MLIP: variants seen among roughly 807,000 people sequenced by gnomAD.
MLIP encodes muscular LMNA-interacting protein.
Under a neutral mutation model 84.8 loss-of-function variants are expected in MLIP, and 79 were observed. The ratio of observed to expected loss-of-function variants is 0.93; its 90% CI spans 0.78 to 1.12. MLIP has a LOEUF of 1.12. Ranked by LOEUF, MLIP falls within the 50% of genes most tolerant of loss-of-function variation. MLIP has a pLI of 0.00. For synonymous variants in MLIP, 504 were observed against 463.0 expected, an observed-to-expected ratio of 1.09 and a Z score of -1.14; for missense variants, 1,257 against 1,160.6, an observed-to-expected ratio of 1.08 and a Z score of -1.21.
At chr6:54,133,947 A>G (rs1771598517) in intron 3 of MLIP, among the ~76,000 whole-genome samples, 3 of 152,154 alleles carry the variant, frequency 2.0e-5, no homozygotes, top group South Asian at 4.1e-4. Context: ...GTAGCTCTAG[A>G]GAGGTGTTTG....
chr6:54,020,931 A>G (rs1338585200), intron 1 of MLIP, among the ~76,000 whole-genome samples: 1 of 152,232 alleles, frequency 6.6e-6, no homozygotes, highest in Non-Finnish European at 1.5e-5. Context: ...TAAGTGTACA[A>G]GCAAATAGAG....
At chr6:54,201,192 C>G (rs1057148379) in intron 10 of MLIP, among the ~76,000 whole-genome samples, 1 of 152,112 alleles carries the variant, frequency 6.6e-6, no homozygotes, top group African/African-American at 2.4e-5. Flanking sequence ...TTTGTCAAAT[C>G]GACACTGGGT....
At chr6:54,234,374 A>G (rs1466086135) in intron 12 of MLIP, among the ~76,000 whole-genome samples, 5 of 152,068 alleles carry the variant, frequency 3.3e-5, no homozygotes, top group African/African-American at 9.7e-5. Flanking sequence ...TGAAAAACAT[A>G]TAAAAGTTAG....
rs1771991915 is a variant in MLIP, at chr6:54,138,220, G to T, written c.2151G>T (p.Arg717Ser). 4 of 1,536,060 alleles carry T rather than the reference G, an allele frequency of 2.6e-6. No homozygotes were observed. The highest frequency in any genetic ancestry group is 2.6e-6 in the Non-Finnish European group (3 of 1,146,866). ...STPSLPISLT[R>S]TEELISPCAL... ...CATCACTTCCCATATCTCTAACAAG[G>T]ACAGAGGAGCTGATTTCACCTTGTG... The change falls in exon 4 of 14, where the codon AGG becomes AGT. Residue 717 changes from arginine (R) to serine (S), a missense_variant. Arg to Ser is a moderately radical substitution (Grantham distance 110). Coordinates refer to ENST00000502396, the MANE Select transcript of MLIP (RefSeq NM_001281747.2).
intron 11 of MLIP, chr6:54,215,131 T>C: frequency 2.0e-6 from 3 of 1,533,664 alleles, no homozygotes; most frequent in Middle Eastern, 1.7e-4. Context: ...CTGTCCACTT[T>C]ACACTCAGGC....
At chr6:54,219,981 G>A (rs1022758624) in intron 11 of MLIP, among the ~76,000 whole-genome samples, 14 of 151,622 alleles carry the variant, frequency 9.2e-5, no homozygotes, top group African/African-American at 3.2e-4. Flanking sequence ...AAAAACCTTC[G>A]GCAAAATAAT....
chr6:54,138,393 C>T lies in MLIP; in HGVS notation c.2217+107C>T, dbSNP rs986417261. ...AATTATAGTATTAATTGTACTCCTACAAGGAGGAAGAAAAAGTGCAAGACG... is the reference window on the plus strand; with the variant it reads ...AATTATAGTATTAATTGTACTCCTATAAGGAGGAAGAAAAAGTGCAAGACG... On this transcript the variant is annotated intron_variant, in intron 4 of 13. Transcript: ENST00000502396. The T allele has an allele frequency of 3.1e-6, 4 of 1,306,796 alleles. No individual in the cohort carries two copies. The African/African-American group carries it at 6.0e-5, about 20-fold the overall frequency. The allele number at this position is 1,306,796 out of a possible 1,614,324, so 81.0% of individuals were successfully genotyped here.
At chr6:54,207,419 C>T (rs1226655240) in intron 11 of MLIP, among the ~76,000 whole-genome samples, 2 of 142,500 alleles carry the variant, frequency 1.4e-5, no homozygotes, top group African/African-American at 2.5e-5. Context: ...ACCCCCCCCC[C>T]CTTTTTTGAC....
intron 1 of MLIP, chr6:54,045,491 A>G (rs895682968): frequency 6.6e-6 from 1 of 152,164 alleles, no homozygotes; most frequent in Non-Finnish European, 1.5e-5. Context: ...TGATGCTGGT[A>G]GACTTGTCAT....
At chr6:54,050,251 T>G (rs1317982607) in intron 1 of MLIP, among the ~76,000 whole-genome samples, 1 of 152,136 alleles carries the variant, frequency 6.6e-6, no homozygotes, top group Non-Finnish European at 1.5e-5. Flanking sequence ...AATAAAGGCT[T>G]AAAGCACAAA....
chr6:54,066,571 C>A (rs547604823), intron 1 of MLIP, among the ~76,000 whole-genome samples: 2 of 99,478 alleles, frequency 2.0e-5, no homozygotes, highest in African/African-American at 5.1e-5. Context: ...ATTTAGATTG[C>A]TCTGTATAGC....
intron 1 of MLIP, chr6:54,043,254 AT>A (rs763973672): frequency 1.3e-5 from 2 of 152,200 alleles, no homozygotes; most frequent in Non-Finnish European, 2.9e-5. Context: ...TCTTCATTTT[AT>A]ATCAACAATG....
chr6:54,042,039 A>G (rs1242713638), intron 1 of MLIP, among the ~76,000 whole-genome samples: 2 of 152,014 alleles, frequency 1.3e-5, no homozygotes, highest in South Asian at 4.1e-4. Flanking sequence ...CCTAATTCAT[A>G]TAGGGTTTGT....
chr6:54,111,295 T>C, upstream of MLIP: 1 of 1,029,564 alleles, frequency 9.7e-7, no homozygotes, highest in African/African-American at 1.6e-5. Flanking sequence ...ATGTTCCAAA[T>C]CTAAAAATTG....
chr6:54,205,228 T>C (rs946584004), intron 11 of MLIP, among the ~76,000 whole-genome samples: 1 of 152,224 alleles, frequency 6.6e-6, no homozygotes, highest in African/African-American at 2.4e-5. Flanking sequence ...GCATTGCTAC[T>C]TCATCAGAAC....
chr6:54,163,662 T>C (rs1774887244), intron 8 of MLIP, among the ~76,000 whole-genome samples: 1 of 152,034 alleles, frequency 6.6e-6, no homozygotes, highest in Non-Finnish European at 1.5e-5. Flanking sequence ...TCAACCTGTA[T>C]ATACAAACAC....
At chr6:54,107,123 T>A (rs1407229), upstream of MLIP, among the ~76,000 whole-genome samples, 1 of 152,020 alleles carries the variant, frequency 6.6e-6, no homozygotes, top group Non-Finnish European at 1.5e-5. Context: ...CTACCCTGTA[T>A]AGGGCTTATT....
At chr6:54,232,789 A>T (rs1180098519) in intron 12 of MLIP, among the ~76,000 whole-genome samples, 2 of 152,194 alleles carry the variant, frequency 1.3e-5, no homozygotes, top group Non-Finnish European at 2.9e-5. Flanking sequence ...CCCAAGTCTG[A>T]CCTTACAGCT....
At chr6:54,237,678 TAAAA>T (rs572232087) in intron 12 of MLIP, among the ~76,000 whole-genome samples, 5 of 116,418 alleles carry the variant, frequency 4.3e-5, no homozygotes, top group Admixed American at 9.2e-5. Flanking sequence ...AGACTGTCTC[TAAAA>T]AAAAAAAAAA....
Sources: allele counts gnomAD v4.1 joint callset (sites outside exome capture counted in the v4.1 genomes callset), GRCh38; gene constraint gnomAD v4.1.1; transcripts MANE v1.5; gene names NCBI Gene and HGNC (gene_info 2026-07-23, HGNC 2026-07-21).